NLN: variants seen among roughly 807,000 people sequenced by gnomAD.
NLN encodes neurolysin.
Under a neutral mutation model 79.9 loss-of-function variants are expected in NLN, and 64 were observed. That is an observed-to-expected ratio of 0.80 (90% CI 0.65 to 0.99). The LOEUF is 0.99. Among genes scored for constraint, NLN ranks in the 50% least tolerant of loss-of-function variants. The probability of loss-of-function intolerance (pLI) is 0.00; values close to 1 mark genes in which losing one functional copy is unlikely to be tolerated. For synonymous variants in NLN, 267 were observed against 296.6 expected (o/e 0.90, Z 1.02); for missense variants, 835 against 858.7 (o/e 0.97, Z 0.34).
At chr5:65,726,130 A>G (rs907388053) in intron 1 of NLN, among the ~76,000 whole-genome samples, 21 of 142,334 alleles carry the variant, frequency 1.5e-4, no homozygotes, top group Non-Finnish European at 2.5e-4. Flanking sequence ...AAAAAAAAAA[A>G]TGGTTTTCCA....
intron 9 of NLN, among the ~76,000 whole-genome samples, chr5:65,807,173 T>C (rs188741823): frequency 0.022 from 1,697 of 76,030 alleles, 30 homozygotes; most frequent in African/African-American, 0.089. Flanking sequence ...CAAGACCCTG[T>C]CTCAAAAAAA....
intron 1 of NLN, among the ~76,000 whole-genome samples, chr5:65,725,373 A>G (rs1366172368): frequency 1.3e-5 from 2 of 152,264 alleles, no homozygotes; most frequent in African/African-American, 4.8e-5. Flanking sequence ...ATTTGAAACT[A>G]TATCAATGTA....
At chr5:65,729,063 C>G (rs1758543640) in intron 1 of NLN, among the ~76,000 whole-genome samples, 2 of 152,278 alleles carry the variant, frequency 1.3e-5, no homozygotes, top group South Asian at 4.1e-4. Context: ...AAGCTGGTCT[C>G]TAATTCCTGG....
intron 1 of NLN, among the ~76,000 whole-genome samples, chr5:65,738,040 A>T (rs1758766084): frequency 6.6e-6 from 1 of 151,674 alleles, no homozygotes; most frequent in Non-Finnish European, 1.5e-5. Flanking sequence ...AGGTAGGAGG[A>T]TCGCTTGCAC....
chr5:65,769,308 C>T (rs1038361870), intron 3 of NLN, among the ~76,000 whole-genome samples: 2 of 152,144 alleles, frequency 1.3e-5, no homozygotes, highest in Non-Finnish European at 2.9e-5. Flanking sequence ...AAAGGAAAAA[C>T]AATAGAATGA....
chr5:65,725,895 G>C (rs71632538), intron 1 of NLN, among the ~76,000 whole-genome samples: 4 of 152,110 alleles, frequency 2.6e-5, no homozygotes, highest in Non-Finnish European at 5.9e-5. Context: ...GGTGGATCAC[G>C]AAGTCAGGAG....
At chr5:65,819,278 GA>G (rs1760741593) in intron 12 of NLN, among the ~76,000 whole-genome samples, 1 of 152,274 alleles carries the variant, frequency 6.6e-6, no homozygotes, top group African/African-American at 2.4e-5. Flanking sequence ...AAGGAGATGG[GA>G]GGAGGAGAGG....
At chr5:65,767,747 C>A (rs1471349395) in intron 3 of NLN, among the ~76,000 whole-genome samples, 1 of 152,242 alleles carries the variant, frequency 6.6e-6, no homozygotes, top group African/African-American at 2.4e-5. Flanking sequence ...TTCAAACCAT[C>A]TCTTTGTGTA....
At chr5:65,764,044 G>A (rs1040479294) in intron 3 of NLN, among the ~76,000 whole-genome samples, 1 of 152,014 alleles carries the variant, frequency 6.6e-6, no homozygotes, top group African/African-American at 2.4e-5. Context: ...ACAGTTATTT[G>A]ATGTGATTTG....
intron 12 of NLN, among the ~76,000 whole-genome samples, chr5:65,818,359 G>A (rs1246818592): frequency 2.6e-5 from 4 of 151,998 alleles, no homozygotes; most frequent in Admixed American, 6.6e-5. Context: ...TGGACCTGAC[G>A]GTTTTCTCCA....
At position 65,780,267 on chromosome 5, in the gene NLN, C is replaced by T. The variant is rs1456217712; in HGVS notation, c.647C>T (p.Ser216Phe). 4 of 1,393,928 alleles carry T rather than the reference C, an allele frequency of 2.9e-6. No individual in the cohort carries two copies. The African/African-American group carries it at 5.8e-5, about 20-fold the overall frequency. 86.3% of individuals were successfully genotyped at this position (1,393,928 alleles called of 1,614,324 possible). Reference sequence around the variant, plus strand: ...GAGGATGATACCTTCCTTGTATTTTCCAAGGCTGAACTTGGTAAGTTTTAT... The same window carrying T: ...GAGGATGATACCTTCCTTGTATTTTTCAAGGCTGAACTTGGTAAGTTTTAT... The part of the protein sequence containing the change: ...LNEDDTFLVF[S>F]KAELGALPDD... The change falls in exon 5 of 13, where the codon TCC becomes TTC. Residue 216 changes from serine to phenylalanine, a missense_variant. By Grantham distance (155) the Ser-to-Phe change is radical. Coordinates refer to ENST00000380985, the MANE Select transcript of NLN (RefSeq NM_020726.5).
intron 1 of NLN, among the ~76,000 whole-genome samples, chr5:65,756,907 T>C (rs1327948642): frequency 6.6e-6 from 1 of 152,206 alleles, no homozygotes; most frequent in East Asian, 1.9e-4. Flanking sequence ...GGATAATTCC[T>C]ACACATTGTT....
intron 2 of NLN, among the ~76,000 whole-genome samples, 188 bp downstream of exon 2, chr5:65,759,014 T>C (rs1683783336): frequency 2.0e-5 from 3 of 152,236 alleles, no homozygotes; most frequent in African/African-American, 7.2e-5. Flanking sequence ...ACACTCTGAT[T>C]ACACTGCTCT....
In NLN at chr5:65,810,063, T is replaced by G; in HGVS notation, c.1741T>G (p.Leu581Val). 1.2e-6 allele frequency: 2 copies of G among 1,614,134 alleles called. No homozygotes were observed. Among genetic ancestry groups the G allele is most frequent in the East Asian group, 2.2e-5 (1 of 44,870 alleles). The change falls in exon 11 of 13, where the codon TTG (leucine) becomes GTG (valine). Residue 581 changes from leucine (L) to valine (V), a missense_variant. Physicochemically the swap from Leu to Val is conservative, Grantham distance 32. Transcript: ENST00000380985. ...TCTTCTGACCCTGCGCCAGATTGTT[T>G]TGAGCAAAGTTGATCAGTCTCTTCA... The part of the protein sequence containing the change: ...TGLLTLRQIV[L>V]SKVDQSLHTN...
At chr5:65,808,380 G>A (rs1760467906) in intron 9 of NLN, among the ~76,000 whole-genome samples, 1 of 152,172 alleles carries the variant, frequency 6.6e-6, no homozygotes, top group African/African-American at 2.4e-5. Context: ...CCCCAGGGAT[G>A]ATGAAGTCAG....
At chr5:65,807,415 C>A (rs1255304023) in intron 9 of NLN, among the ~76,000 whole-genome samples, 1 of 151,332 alleles carries the variant, frequency 6.6e-6, no homozygotes, top group African/African-American at 2.4e-5. Context: ...TATACATTGT[C>A]TTTGTGGGTG....
intron 1 of NLN, among the ~76,000 whole-genome samples, chr5:65,740,368 C>A (rs1237902486): frequency 6.6e-6 from 1 of 152,124 alleles, no homozygotes; most frequent in African/African-American, 2.4e-5. Context: ...CATTAATTCA[C>A]CCACTAATTC....
rs1238476979 is a variant in NLN, at chr5:65,827,487, G to C, written c.*4572G>C. 6.6e-6 allele frequency: 1 copy of C among 152,202 alleles called. No homozygotes were observed. The highest frequency in any genetic ancestry group is 1.5e-5 in the Non-Finnish European group (1 of 68,038). The allele number at this position is 152,202 out of a possible 1,614,324, so 9.4% of individuals were successfully genotyped here. A position where few individuals can be genotyped will look rare whatever the true frequency, so the allele number is the denominator to read the frequency against. On this transcript the variant is annotated 3_prime_UTR_variant, in exon 13 of 13. Transcript: ENST00000380985. ...ATAGTTTGTTCATTGCGTCCAGCAA[G>C]ACACGCATTGCTGTTGATATCTTTG...
chr5:65,793,018 G>T (rs961802894), intron 9 of NLN: 2 of 357,396 alleles, frequency 5.6e-6, no homozygotes, highest in African/African-American at 4.3e-5. Flanking sequence ...TCAATGCTTT[G>T]TTTACTTTAG....
Sources: allele counts gnomAD v4.1 joint callset (sites outside exome capture counted in the v4.1 genomes callset), GRCh38; gene constraint gnomAD v4.1.1; transcripts MANE v1.5; gene names NCBI Gene and HGNC (gene_info 2026-07-23, HGNC 2026-07-21).